AGPS: variants seen among roughly 807,000 people sequenced by gnomAD.
AGPS encodes the protein alkylglycerone phosphate synthase.
Under a neutral mutation model 90.7 loss-of-function variants are expected in AGPS, and 26 were observed. That is an observed-to-expected ratio of 0.29 (90% CI 0.21 to 0.40). The LOEUF (loss-of-function observed/expected upper bound fraction) is 0.40, where lower values mean the gene tolerates loss of function less well. Among genes scored for constraint, AGPS ranks in the 10% least tolerant of loss-of-function variants. The probability of loss-of-function intolerance (pLI) is 1.00; values close to 1 mark genes in which losing one functional copy is unlikely to be tolerated. For missense variants in AGPS, 540 were observed against 816.1 expected (o/e 0.66, Z 4.12); for synonymous variants, 294 against 285.3 (o/e 1.03, Z -0.31).
intron 19 of AGPS, among the ~76,000 whole-genome samples, chr2:177,529,236 G>A (rs373793916): frequency 5.3e-5 from 8 of 152,206 alleles, no homozygotes; most frequent in African/African-American, 1.2e-4. Flanking sequence ...GGAGGCCCAG[G>A]CAGAAAGAGT....
rs74536999 is a variant in AGPS at position 177,538,401 on chromosome 2, T to C, written c.*206T>C. The C allele has an allele frequency of 5.8e-4, 342 of 586,124 alleles. 3 individuals are homozygous for C. Among genetic ancestry groups the C allele is most frequent in the African/African-American group, 5.7e-3 (306 of 53,508 alleles). The allele number at this position is 586,124 out of a possible 1,614,324, so 36.3% of individuals were successfully genotyped here. ...ATTCCTAAATCTCTCTCATTGTAGG[T>C]ACATCATTTTACATTCAGCGGTTGT... On this transcript the variant is annotated 3_prime_UTR_variant, in exon 20 of 20. Coordinates refer to ENST00000264167, the MANE Select transcript of AGPS (RefSeq NM_003659.4).
At chr2:177,504,644 C>G (rs1688656818) in intron 14 of AGPS, among the ~76,000 whole-genome samples, 1 of 152,056 alleles carries the variant, frequency 6.6e-6, no homozygotes, top group Admixed American at 6.5e-5. Flanking sequence ...TGTTTACTTA[C>G]TACCAAATTC....
intron 14 of AGPS, among the ~76,000 whole-genome samples, chr2:177,501,944 G>A (rs373988661): frequency 2.6e-5 from 4 of 152,168 alleles, no homozygotes; most frequent in Non-Finnish European, 4.4e-5. Context: ...GGGATTACAG[G>A]CATTATTTTG....
intron 12 of AGPS, among the ~76,000 whole-genome samples, chr2:177,496,989 T>G (rs1224056459): frequency 3.3e-5 from 5 of 152,220 alleles, no homozygotes; most frequent in Non-Finnish European, 7.4e-5. Context: ...CTGCTAACAC[T>G]GAGGCCAGAT....
intron 1 of AGPS, among the ~76,000 whole-genome samples, chr2:177,412,033 A>G (rs1458591676): frequency 6.6e-6 from 1 of 152,148 alleles, no homozygotes; most frequent in Non-Finnish European, 1.5e-5. Flanking sequence ...CTAAATTGGG[A>G]GGGACACGAG....
chr2:177,460,620 A>G (rs1371383714), intron 8 of AGPS, among the ~76,000 whole-genome samples: 1 of 152,196 alleles, frequency 6.6e-6, no homozygotes, highest in Non-Finnish European at 1.5e-5. Flanking sequence ...AAATTGAGTA[A>G]AAGTTTATGT....
chr2:177,439,021 A>G (rs1574368157), intron 5 of AGPS, among the ~76,000 whole-genome samples: 2 of 151,774 alleles, frequency 1.3e-5, no homozygotes, highest in Middle Eastern at 6.8e-3. Flanking sequence ...AATCTGTTGT[A>G]GTTGTCTTTA....
chr2:177,521,317 C>T lies in AGPS; in HGVS notation c.1746C>T (p.Ala582=), dbSNP rs759670220. 6.2e-7 allele frequency: 1 copy of T among 1,613,922 alleles called. No homozygotes were observed. Among genetic ancestry groups the T allele is most frequent in the South Asian group, 1.1e-5 (1 of 91,088 alleles). The change falls in exon 18 of 20, where the codon GCC becomes GCT. Residue 582 remains alanine, a synonymous_variant. Coordinates refer to ENST00000264167, the MANE Select transcript of AGPS (RefSeq NM_003659.4). The part of the protein sequence containing the change: ...DAGACIYFYF[A]FNYRGISDPL... ...GTGCTTGTATCTACTTCTATTTTGC[C>T]TTTAACTACAGGGGAATTAGTGACC...
intron 8 of AGPS, among the ~76,000 whole-genome samples, chr2:177,448,287 A>G (rs1225435495): frequency 1.3e-5 from 2 of 152,180 alleles, no homozygotes; most frequent in African/African-American, 4.8e-5. Context: ...TCAAGATGAA[A>G]TAAGTTAATA....
chr2:177,453,783 G>C (rs1463912730), intron 8 of AGPS, among the ~76,000 whole-genome samples: 2 of 141,186 alleles, frequency 1.4e-5, no homozygotes, highest in African/African-American at 5.1e-5. Flanking sequence ...TGCCTCCCGG[G>C]TTCAAGTGAT....
intron 17 of AGPS, among the ~76,000 whole-genome samples, chr2:177,517,500 G>A (rs1290910207): frequency 2.0e-5 from 3 of 151,778 alleles, no homozygotes; most frequent in African/African-American, 4.8e-5. Flanking sequence ...TTTTAACTTC[G>A]AGGGAGTTTG....
chr2:177,420,062 T>C (rs1273169043), intron 1 of AGPS, among the ~76,000 whole-genome samples: 1 of 151,884 alleles, frequency 6.6e-6, no homozygotes, highest in African/African-American at 2.4e-5. Flanking sequence ...TAGCCCTCTG[T>C]GAAGCAGGTG....
At chr2:177,441,140 A>C (rs1294226355) in intron 6 of AGPS, 104 bp downstream of exon 6, 5 of 1,000,908 alleles carry the variant, frequency 5.0e-6, no homozygotes, top group Non-Finnish European at 7.6e-6. Flanking sequence ...CATTATTGTA[A>C]TTGTGATGTG....
chr2:177,441,062 A>G, intron 6 of AGPS, 26 bp downstream of exon 6: 1 of 1,539,858 alleles, frequency 6.5e-7, no homozygotes, highest in South Asian at 1.1e-5. Flanking sequence ...TTTGAATTTT[A>G]ATATGTAAAT....
At chr2:177,465,232 T>TA in intron 9 of AGPS, among the ~76,000 whole-genome samples, 1 of 152,274 alleles carries the variant, frequency 6.6e-6, no homozygotes, top group South Asian at 2.1e-4. Context: ...AGTTTGAAGT[T>TA]ACAGTGAGCT....
intron 10 of AGPS, among the ~76,000 whole-genome samples, chr2:177,481,365 CT>C (rs943125604): frequency 6.6e-6 from 1 of 150,936 alleles, no homozygotes; most frequent in African/African-American, 2.4e-5. Context: ...TTTTTTTAAT[CT>C]TTTTTTACTT....
At chr2:177,480,512 G>A (rs1037223111) in intron 10 of AGPS, among the ~76,000 whole-genome samples, 1 of 152,154 alleles carries the variant, frequency 6.6e-6, no homozygotes, top group Non-Finnish European at 1.5e-5. Context: ...CTCACTCATA[G>A]GTGGGAGTTG....
intron 2 of AGPS, among the ~76,000 whole-genome samples, chr2:177,428,441 T>A (rs531980507): frequency 5.8e-4 from 89 of 152,312 alleles, no homozygotes; most frequent in African/African-American, 1.9e-3. Flanking sequence ...TTCAGTGTGT[T>A]TTTATAGTGG....
intron 2 of AGPS, among the ~76,000 whole-genome samples, chr2:177,426,374 TTTTC>T (rs1686079047): frequency 6.6e-6 from 1 of 152,196 alleles, no homozygotes; most frequent in Non-Finnish European, 1.5e-5. Flanking sequence ...CCTATTTGAA[TTTTC>T]TTTATTTCTT....
Sources: allele counts gnomAD v4.1 joint callset (sites outside exome capture counted in the v4.1 genomes callset), GRCh38; gene constraint gnomAD v4.1.1; transcripts MANE v1.5; gene names NCBI Gene and HGNC (gene_info 2026-07-23, HGNC 2026-07-21).